The following SH3PXD2A variants were observed in gnomAD, a reference collection of about 807,000 sequenced individuals.
SH3PXD2A encodes the protein SH3 and PX domain-containing protein 2A.
In SH3PXD2A, 32 loss-of-function variants were observed where a neutral mutation model predicts 115.2. That is an observed-to-expected ratio of 0.28 (90% CI 0.21 to 0.37). The LOEUF is 0.37. Ranked by LOEUF, SH3PXD2A falls within the 10% of genes least tolerant of loss-of-function variation. The pLI is 1.00. For synonymous variants in SH3PXD2A, 610 were observed against 629.1 expected, an observed-to-expected ratio of 0.97 and a Z score of 0.45; for missense variants, 1,328 against 1,498.7, an observed-to-expected ratio of 0.89 and a Z score of 1.88.
chr10:103,597,878 G>T lies in SH3PXD2A; in HGVS notation c.*3938C>A, dbSNP rs910970363. ...GTTAAATACAATAACAGGAAAAATA[G>T]GGGTTATTTTATCTTTTTCCCCTTA... On this transcript the variant is annotated 3_prime_UTR_variant, in exon 15 of 15. Transcript: ENST00000369774. The T allele has an allele frequency of 2.6e-5, 4 of 152,514 alleles. No homozygotes were observed. Among genetic ancestry groups the T allele is most frequent in the African/African-American group, 9.7e-5 (4 of 41,440 alleles). The allele number at this position is 152,514 out of a possible 1,614,324, so 9.4% of individuals were successfully genotyped here. A position where few individuals can be genotyped will look rare whatever the true frequency, so the allele number is the denominator to read the frequency against.
At chr10:103,657,179 G>C (rs545344050) in intron 8 of SH3PXD2A, among the ~76,000 whole-genome samples, 1 of 151,952 alleles carries the variant, frequency 6.6e-6, no homozygotes, top group African/African-American at 2.4e-5. Context: ...TATCATGCCC[G>C]GTGCCAGGAA....
At position 103,599,289 on chromosome 10, in the gene SH3PXD2A, T is replaced by C. The variant is rs1176630396; in HGVS notation, c.*2527A>G. The C allele has an allele frequency of 7.2e-4, 41 of 57,228 alleles. No homozygotes were observed. Among genetic ancestry groups the C allele is most frequent in the African/African-American group, 2.9e-3 (41 of 14,096 alleles). 3.5% of individuals were successfully genotyped at this position (57,228 alleles called of 1,614,324 possible). ...GTCCTTGGGGGGGGCTGGGAGAATG[T>C]GGGGGGCAGTGCAGGTGGTGGGGAA... is the stretch of plus-strand genomic sequence containing the variant. On this transcript the variant is annotated 3_prime_UTR_variant, in exon 15 of 15. Transcript: ENST00000369774.
intron 2 of SH3PXD2A, among the ~76,000 whole-genome samples, chr10:103,794,225 G>C (rs2039064706): frequency 6.6e-6 from 1 of 152,200 alleles, no homozygotes; most frequent in Non-Finnish European, 1.5e-5. Context: ...AAGGAATAGA[G>C]AGAAAAGCTT....
At chr10:103,811,486 T>A (rs1047344916) in intron 1 of SH3PXD2A, among the ~76,000 whole-genome samples, 2 of 152,240 alleles carry the variant, frequency 1.3e-5, no homozygotes, top group Non-Finnish European at 2.9e-5. Flanking sequence ...AGTTCATAAG[T>A]GAAGAGACTA....
intron 1 of SH3PXD2A, among the ~76,000 whole-genome samples, chr10:103,828,684 C>T (rs949825204): frequency 6.6e-6 from 1 of 152,212 alleles, no homozygotes; most frequent in Middle Eastern, 3.2e-3. Flanking sequence ...GAGCCATCAG[C>T]CCTATGGCCA....
At chr10:103,714,205 C>T (rs528211671) in intron 5 of SH3PXD2A, among the ~76,000 whole-genome samples, 7 of 152,310 alleles carry the variant, frequency 4.6e-5, no homozygotes, top group South Asian at 2.1e-4. Context: ...TTACCCCTTC[C>T]GCCAGAGGCT....
chr10:103,763,151 C>A (rs1184890218), intron 3 of SH3PXD2A, among the ~76,000 whole-genome samples: 1 of 152,164 alleles, frequency 6.6e-6, no homozygotes, highest in African/African-American at 2.4e-5. Context: ...ATTTGACTGG[C>A]AGATGGGCAA....
chr10:103,844,850 C>T (rs1224622676), intron 1 of SH3PXD2A, among the ~76,000 whole-genome samples: 1 of 152,140 alleles, frequency 6.6e-6, no homozygotes, highest in Non-Finnish European at 1.5e-5. Flanking sequence ...AATGGGAATT[C>T]AATATGTGGT....
chr10:103,771,998 G>T (rs928559214), intron 2 of SH3PXD2A, among the ~76,000 whole-genome samples: 5 of 152,154 alleles, frequency 3.3e-5, no homozygotes, highest in African/African-American at 9.7e-5. Flanking sequence ...ATGGACCACT[G>T]GCCGCGGAAA....
At chr10:103,854,533 C>G (rs1168955550) in intron 1 of SH3PXD2A, among the ~76,000 whole-genome samples, 2 of 152,074 alleles carry the variant, frequency 1.3e-5, no homozygotes, top group African/African-American at 4.8e-5. Context: ...TTCGCCTCCT[C>G]GTGTCTGGAG....
In SH3PXD2A at chr10:103,756,573, C is replaced by T. The variant is rs1219546809; in HGVS notation, c.229+10521G>A. ...CACCACAAAGCACCTTTCATATGCT[C>T]CAAAGGCTTCGGCCACCTCAGGGAG... is the stretch of plus-strand genomic sequence containing the variant. On this transcript the variant is annotated intron_variant, in intron 3 of 14. Transcript: ENST00000369774. The surrounding 1 kb of genome is among the most constrained non-coding windows in gnomAD (Gnocchi z 4.4). 2.6e-5 allele frequency among the ~76,000 whole-genome samples: 4 copies of T among 152,140 alleles called. No individual in the cohort carries two copies. In the East Asian group the frequency reaches 5.8e-4, roughly 22 times the overall value.
intron 1 of SH3PXD2A, among the ~76,000 whole-genome samples, chr10:103,830,141 TA>T (rs1286571122): frequency 6.6e-6 from 1 of 152,110 alleles, no homozygotes; most frequent in Non-Finnish European, 1.5e-5. Flanking sequence ...TCGGATTAAG[TA>T]AAAAAACAAA....
At chr10:103,674,823 A>AAAAC (rs58728932) in intron 6 of SH3PXD2A, among the ~76,000 whole-genome samples, 26,840 of 151,600 alleles carry the variant, frequency 0.18, 2,515 homozygotes, top group South Asian at 0.27. Context: ...CTGTCTCTTA[A>AAAAC]AAACAAACAA....
chr10:103,652,176 T>G (rs1320708950), intron 8 of SH3PXD2A, among the ~76,000 whole-genome samples: 4 of 152,282 alleles, frequency 2.6e-5, no homozygotes, highest in Middle Eastern at 3.4e-3. Context: ...GAGCTGGGGC[T>G]AAGACAGTTG....
At chr10:103,642,435 G>A (rs542662820) in intron 8 of SH3PXD2A, among the ~76,000 whole-genome samples, 11 of 152,308 alleles carry the variant, frequency 7.2e-5, no homozygotes, top group African/African-American at 2.6e-4. Flanking sequence ...TTTTCCCACT[G>A]TGTGATGCAG....
intron 1 of SH3PXD2A, among the ~76,000 whole-genome samples, chr10:103,820,228 G>A (rs1218255244): frequency 6.6e-6 from 1 of 152,164 alleles, no homozygotes; most frequent in Non-Finnish European, 1.5e-5. Context: ...CAACTGGAAT[G>A]AGGAAAGGGG....
intron 6 of SH3PXD2A, among the ~76,000 whole-genome samples, chr10:103,678,423 G>A (rs1164347048): frequency 1.3e-5 from 2 of 152,258 alleles, no homozygotes; most frequent in Admixed American, 1.3e-4. Context: ...AGAGGGTCGG[G>A]AGTGTGCGGC....
intron 2 of SH3PXD2A, among the ~76,000 whole-genome samples, chr10:103,781,122 T>A (rs576851381): frequency 5.5e-4 from 84 of 152,336 alleles, no homozygotes; most frequent in Non-Finnish European, 1.1e-3. Flanking sequence ...TGTGAAACTG[T>A]TTCCTTCCAA....
intron 13 of SH3PXD2A, among the ~76,000 whole-genome samples, chr10:103,607,221 GCCGCC>G (rs978184711): frequency 2.0e-5 from 3 of 151,042 alleles, no homozygotes; most frequent in Non-Finnish European, 3.0e-5. Flanking sequence ...TCTCTGCCCA[GCCGCC>G]CCGTCTGGGA....
Sources: gnomAD v4.1 joint callset for allele counts (sites outside exome capture counted in the v4.1 genomes callset) on GRCh38, gnomAD v4.1.1 for gene constraint, Gnocchi (gnomAD v3.1) non-coding constraint, MANE v1.5 for transcripts, NCBI Gene and HGNC (gene_info 2026-07-23, HGNC 2026-07-21) for gene names.